The following ZCRB1 variants were observed in gnomAD, a reference collection of about 807,000 sequenced individuals.
ZCRB1 encodes zinc finger CCHC-type and RNA binding motif containing 1.
In ZCRB1, 21 loss-of-function variants were observed where a neutral mutation model predicts 29.9. The observed-to-expected ratio is 0.70, with a 90% confidence interval of 0.50 to 1.01. The LOEUF (loss-of-function observed/expected upper bound fraction) is 1.01. ZCRB1 is among the 50% of genes least tolerant of loss of function. ZCRB1 has a pLI of 0.00. For synonymous variants in ZCRB1, 77 were observed against 80.0 expected (o/e 0.96, Z 0.20); for missense variants, 204 against 253.3 (o/e 0.81, Z 1.32).
At chr12:42,317,721 C>T (rs1222402686) in intron 4 of ZCRB1, 66 bp downstream of exon 4, 5 of 1,367,778 alleles carry the variant, frequency 3.7e-6, no homozygotes, top group East Asian at 2.3e-5. Context: ...TATATCCCCA[C>T]ATTTTTGGCC....
At chr12:42,317,565 A>G in intron 4 of ZCRB1, 118 bp from the exon 5 acceptor site, 1 of 904,324 alleles carries the variant, frequency 1.1e-6, no homozygotes, top group Non-Finnish European at 1.6e-6. Context: ...AGCAATTGTC[A>G]CTTAGGTGTG....
At chr12:42,322,060 C>A (rs2068624279) in intron 3 of ZCRB1, among the ~76,000 whole-genome samples, 1 of 152,042 alleles carries the variant, frequency 6.6e-6, no homozygotes, top group African/African-American at 2.4e-5. Context: ...AAACAAAAAA[C>A]CACCTATTTA....
chr12:42,320,990 T>G (rs2068618621), intron 3 of ZCRB1, among the ~76,000 whole-genome samples: 1 of 152,204 alleles, frequency 6.6e-6, no homozygotes, highest in African/African-American at 2.4e-5. Flanking sequence ...TGGCCTTCTT[T>G]CTATTTCTTG....
chr12:42,322,321 G>T, intron 3 of ZCRB1, 97 bp downstream of exon 3: 1 of 1,148,894 alleles, frequency 8.7e-7, no homozygotes, highest in Non-Finnish European at 1.2e-6. Flanking sequence ...ATTATATCAA[G>T]CATGTTTTAT....
At chr12:42,324,518 C>T (rs967166751) in intron 1 of ZCRB1, among the ~76,000 whole-genome samples, 10 of 152,006 alleles carry the variant, frequency 6.6e-5, no homozygotes, top group African/African-American at 2.2e-4. Context: ...TGGAAAAAAA[C>T]AAAAAACAAA....
In ZCRB1 at chr12:42,326,061, T is replaced by C. The variant is rs1396880927; in HGVS notation, c.-140A>G. The C allele has an allele frequency of 2.6e-5, 4 of 152,278 alleles. No individual in the cohort carries two copies. The highest frequency in any genetic ancestry group is 2.1e-4 in the South Asian group (1 of 4,834). 9.4% of individuals were successfully genotyped at this position (152,278 alleles called of 1,614,324 possible). A position where few individuals can be genotyped will look rare whatever the true frequency, so the allele number is the denominator to read the frequency against. ...GGAGGGGTCAGGCGCGGAGAGCAGATAATAGCAGCCACGGTGCTTCTTCCC... is the reference window on the plus strand; with the variant it reads ...GGAGGGGTCAGGCGCGGAGAGCAGACAATAGCAGCCACGGTGCTTCTTCCC... On this transcript the variant is annotated 5_prime_UTR_variant, in exon 1 of 8. Transcript: ENST00000266529.
intron 5 of ZCRB1, among the ~76,000 whole-genome samples, chr12:42,315,009 G>A (rs2068588143): frequency 6.6e-6 from 1 of 152,172 alleles, no homozygotes; most frequent in African/African-American, 2.4e-5. Context: ...CTTTTCCTAT[G>A]AATTACTTCC....
chr12:42,322,272 C>A, intron 3 of ZCRB1, 146 bp downstream of exon 3: 3 of 796,800 alleles, frequency 3.8e-6, no homozygotes, highest in Non-Finnish European at 3.6e-6. Flanking sequence ...CATGGAAAAC[C>A]AACTAAATTG....
rs1227908932 is a variant in ZCRB1, at chr12:42,317,806, C to T, written c.206G>A (p.Arg69Lys). 1 of 1,613,062 alleles carries T rather than the reference C, an allele frequency of 6.2e-7. No individual in the cohort carries two copies. Among genetic ancestry groups the T allele is most frequent in the East Asian group, 2.2e-5 (1 of 44,832 alleles). ...GCTTACCTGTTTGTTGTTTATTGCC[C>T]TGGTACAGTTTTGTGCAGAGTCTTT... ...LDKDSAQNCT[R>K]AINNKQLFGR... Residue 69 changes from arginine to lysine, a missense_variant, in exon 4 of 8, where the codon AGG becomes AAG. Arg to Lys is a conservative substitution (Grantham distance 26, BLOSUM62 2). Transcript: ENST00000266529.
chr12:42,316,796 T>C (rs1421556804), intron 5 of ZCRB1, among the ~76,000 whole-genome samples: 2 of 152,228 alleles, frequency 1.3e-5, no homozygotes, highest in Non-Finnish European at 2.9e-5. Context: ...CTAACACTTT[T>C]AAAACTAGTG....
chr12:42,324,136 G>A (rs772952048), intron 1 of ZCRB1, 32 bp from the exon 2 acceptor site: 1 of 1,583,616 alleles, frequency 6.3e-7, no homozygotes. Flanking sequence ...TCAGCAATCA[G>A]TCTAAACCAG....
At chr12:42,322,090 T>C (rs929365509) in intron 3 of ZCRB1, among the ~76,000 whole-genome samples, 1 of 152,162 alleles carries the variant, frequency 6.6e-6, no homozygotes, top group Non-Finnish European at 1.5e-5. Context: ...AGGTTACTTA[T>C]AGTATACTTG....
chr12:42,313,301 C>G lies in ZCRB1; in HGVS notation c.523-103G>C, dbSNP rs2068578417. ...AACATACCACAAATGCCATTACTTC[C>G]CACCCTCCCAGTCCATGCAGACAAT... On this transcript the variant is annotated intron_variant, in intron 7 of 7. Transcript: ENST00000266529. The G allele has an allele frequency of 3.2e-6, 4 of 1,245,832 alleles. No homozygotes were observed. The Admixed American group carries it at 1.0e-4, about 32-fold the overall frequency. 77.2% of individuals were successfully genotyped at this position (1,245,832 alleles called of 1,614,324 possible).
Position 42,313,966 on chromosome 12 carries a change from A to G in ZCRB1, c.354T>C (p.Tyr118=), listed in dbSNP as rs539807977. The change falls in exon 6 of 8, where the codon TAT becomes TAC. Residue 118 remains tyrosine, a synonymous_variant. Coordinates refer to ENST00000266529, the MANE Select transcript of ZCRB1 (RefSeq NM_033114.4). ...CTCCGAGCATATTTTTCGGACAGGC[A>G]TAACTTAAGTGTCCACTTTCCTTTT... ...YECGESGHLS[Y]ACPKNMLGER... 2 of 1,597,128 alleles carry G rather than the reference A, an allele frequency of 1.3e-6. No homozygotes were observed. Among genetic ancestry groups the G allele is most frequent in the East Asian group, 2.2e-5 (1 of 44,772 alleles).
At position 42,322,433 on chromosome 12, in the gene ZCRB1, T is replaced by C. The variant is rs928084349; in HGVS notation, c.98A>G (p.Tyr33Cys). The C allele has an allele frequency of 8.1e-6, 12 of 1,490,040 alleles. No homozygotes were observed. The highest frequency in any genetic ancestry group is 2.8e-5 in the African/African-American group (2 of 70,664). The allele number at this position is 1,490,040 out of a possible 1,614,324, so 92.3% of individuals were successfully genotyped here. A position where few individuals can be genotyped will look rare whatever the true frequency, so the allele number is the denominator to read the frequency against. Residue 33 changes from tyrosine to cysteine, a missense_variant, in exon 3 of 8, where the codon TAT (tyrosine) becomes TGT (cysteine). By Grantham distance (194) the Tyr-to-Cys change is radical. Transcript: ENST00000266529. Reference sequence around the variant, plus strand: ...GAATACTTACTTTACAACTTTGCCATACTTGGAAAATATCTGAAACAAAAG... The same window carrying C: ...GAATACTTACTTTACAACTTTGCCACACTTGGAAAATATCTGAAACAAAAG... ...NNDLYRIFSK[Y>C]GKVVKVTIMK... is the part of the protein sequence containing the mutation.
intron 1 of ZCRB1, among the ~76,000 whole-genome samples, chr12:42,324,731 G>A (rs1049216691): frequency 9.9e-5 from 15 of 152,206 alleles, no homozygotes; most frequent in African/African-American, 1.4e-4. Context: ...CAGATTGTAT[G>A]GGTAGGGAGA....
intron 3 of ZCRB1, among the ~76,000 whole-genome samples, chr12:42,320,480 C>T (rs905665869): frequency 2.0e-5 from 3 of 152,056 alleles, no homozygotes. Context: ...CTTGCTCTGT[C>T]CAGGCTGCAG....
intron 5 of ZCRB1, among the ~76,000 whole-genome samples, chr12:42,314,667 T>C (rs933166338): frequency 4.6e-5 from 7 of 152,046 alleles, no homozygotes; most frequent in African/African-American, 1.7e-4. Context: ...ATAAAACTAT[T>C]CCTGTTAATT....
chr12:42,314,436 TTGGGCATAAGTGGCAC>T (rs2068585164), intron 5 of ZCRB1, among the ~76,000 whole-genome samples: 1 of 129,048 alleles, frequency 7.7e-6, no homozygotes, highest in Admixed American at 8.3e-5. Flanking sequence ...AAAAAATTAG[TTGGGCATAAGTGGCAC>T]ACACCTGTAG....
Sources: gnomAD v4.1 joint callset for allele counts (sites outside exome capture counted in the v4.1 genomes callset) on GRCh38, gnomAD v4.1.1 for gene constraint, MANE v1.5 for transcripts, NCBI Gene and HGNC (gene_info 2026-07-23, HGNC 2026-07-21) for gene names.